Variants in ST18 observed in about 807,000 individuals in gnomAD.
ST18 encodes the protein suppression of tumorigenicity 18 protein.
In ST18, 50 loss-of-function variants were observed where a neutral mutation model predicts 110.0. The ratio of observed to expected loss-of-function variants is 0.45; its 90% CI spans 0.36 to 0.58. The LOEUF (loss-of-function observed/expected upper bound fraction) is 0.58. Ranked by LOEUF, ST18 falls within the 20% of genes least tolerant of loss-of-function variation. ST18 has a pLI of 0.00. For missense variants in ST18, 1,306 were observed against 1,280.1 expected (o/e 1.02, Z -0.31); for synonymous variants, 461 against 452.4 (o/e 1.02, Z -0.24).
At chr8:52,235,330 C>T (rs1387843135) in intron 2 of ST18, among the ~76,000 whole-genome samples, 5 of 152,086 alleles carry the variant, frequency 3.3e-5, no homozygotes, top group Non-Finnish European at 5.9e-5. Context: ...CCTATGGTAG[C>T]CCCTGGCCCA....
At chr8:52,278,105 AAGCTATACATTTTGCC>A (rs1309653496) in intron 2 of ST18, among the ~76,000 whole-genome samples, 2 of 152,180 alleles carry the variant, frequency 1.3e-5, no homozygotes, top group Admixed American at 6.5e-5. Context: ...ATGACTCTGA[AAGCTATACATTTTGCC>A]TTGCTTATCT....
At chr8:52,211,658 C>T (rs1036427289) in intron 8 of ST18, among the ~76,000 whole-genome samples, 4 of 151,934 alleles carry the variant, frequency 2.6e-5, no homozygotes, top group African/African-American at 4.8e-5. Flanking sequence ...CTGCTCACCT[C>T]AGCCTGGAAT....
chr8:52,371,284 A>C (rs1478738098), intron 2 of ST18, among the ~76,000 whole-genome samples: 1 of 152,246 alleles, frequency 6.6e-6, no homozygotes, highest in African/African-American at 2.4e-5. Flanking sequence ...TTAATGAGCT[A>C]GTCCTAATCA....
intron 2 of ST18, chr8:52,406,075 G>A (rs781663323): frequency 6.6e-6 from 1 of 152,140 alleles, no homozygotes; most frequent in African/African-American, 2.4e-5. Context: ...CATCATTTTA[G>A]TCACTAGTAA....
At chr8:52,400,768 G>C (rs1427470) in intron 2 of ST18, among the ~76,000 whole-genome samples, 1 of 151,804 alleles carries the variant, frequency 6.6e-6, no homozygotes, top group Non-Finnish European at 1.5e-5. Context: ...TTTTTATATC[G>C]CATATTTCTT....
At chr8:52,170,495 TAAAA>T (rs1182054243) in intron 10 of ST18, among the ~76,000 whole-genome samples, 36 of 149,348 alleles carry the variant, frequency 2.4e-4, no homozygotes, top group African/African-American at 8.6e-4. Flanking sequence ...AATAAATAAA[TAAAA>T]ATGGAGAAAT....
intron 6 of ST18, 123 bp downstream of exon 6, chr8:52,217,623 G>T (rs1274877251): frequency 6.6e-6 from 1 of 152,134 alleles, no homozygotes; most frequent in African/African-American, 2.4e-5. Flanking sequence ...AGGAAAACAT[G>T]CAAGAGCTAA....
chr8:52,169,357 C>T (rs1398947660), intron 10 of ST18, among the ~76,000 whole-genome samples: 1 of 152,112 alleles, frequency 6.6e-6, no homozygotes, highest in Non-Finnish European at 1.5e-5. Context: ...CTGATGTACT[C>T]ATGTAATGGT....
rs1321640730 is a variant in ST18 at position 52,172,498 on chromosome 8, A to G, written c.363T>C (p.Cys121=). Residue 121 remains cysteine (C), a synonymous_variant, in exon 10 of 26, where the codon TGT becomes TGC. Coordinates refer to ENST00000689386, the MANE Select transcript of ST18 (RefSeq NM_001352837.2). ...NSSRKEDRYS[C]YQELMVKSLM... ...AAGACTTGACCATGAGCTCTTGATA[A>G]CAAGAGTATCTGTCTTCCTTCCTAC... is the stretch of plus-strand genomic sequence containing the variant. The G allele has an allele frequency of 2.5e-6, 4 of 1,613,570 alleles. No homozygotes were observed. The Admixed American group carries it at 6.7e-5, about 27-fold the overall frequency.
rs73679033 is a variant in ST18, at chr8:52,282,935, C to T, written c.-464-52858G>A. On this transcript the variant is annotated intron_variant, in intron 2 of 25. Coordinates refer to ENST00000689386, the MANE Select transcript of ST18 (RefSeq NM_001352837.2). ...GCAGAAGAGTGGCATATGTGATGTGCGCTTTTAAAGAGGTACTCTGGCTAC... is the reference window on the plus strand; with the variant it reads ...GCAGAAGAGTGGCATATGTGATGTGTGCTTTTAAAGAGGTACTCTGGCTAC... 8.7e-3 allele frequency among the ~76,000 whole-genome samples: 1,325 copies of T among 152,100 alleles called. 18 individuals are homozygous for T. Among genetic ancestry groups the T allele is most frequent in the African/African-American group, 0.029 (1,209 of 41,458 alleles).
At chr8:52,288,690 T>C (rs1327485600) in intron 2 of ST18, among the ~76,000 whole-genome samples, 1 of 141,906 alleles carries the variant, frequency 7.0e-6, no homozygotes, top group Non-Finnish European at 1.5e-5. Flanking sequence ...TAAGACTCAG[T>C]CTCAAAAAAT....
At chr8:52,176,541 A>G (rs1200120489) in intron 9 of ST18, among the ~76,000 whole-genome samples, 1 of 152,158 alleles carries the variant, frequency 6.6e-6, no homozygotes, top group Non-Finnish European at 1.5e-5. Context: ...GCCTTTCTCC[A>G]TCCGGAGCAC....
chr8:52,270,330 T>TC (rs1014190646), intron 2 of ST18, among the ~76,000 whole-genome samples: 1 of 152,132 alleles, frequency 6.6e-6, no homozygotes, highest in Non-Finnish European at 1.5e-5. Context: ...GCTCAATCAT[T>TC]CCCCCGCTGT....
At chr8:52,306,672 G>C (rs1428853374) in intron 2 of ST18, among the ~76,000 whole-genome samples, 1 of 152,160 alleles carries the variant, frequency 6.6e-6, no homozygotes, top group Admixed American at 6.6e-5. Context: ...ACACTTGCTG[G>C]AATGTGGTGG....
intron 10 of ST18, among the ~76,000 whole-genome samples, chr8:52,170,699 T>C (rs926194862): frequency 6.6e-6 from 1 of 152,130 alleles, no homozygotes. Context: ...GTCATTAATA[T>C]TCTGTTCCCA....
chr8:52,195,407 G>A (rs1287753502), intron 8 of ST18, among the ~76,000 whole-genome samples: 2 of 151,966 alleles, frequency 1.3e-5, no homozygotes, highest in Non-Finnish European at 2.9e-5. Flanking sequence ...TAAAATATAT[G>A]TGACTTTATA....
At chr8:52,328,050 C>A (rs1020721207) in intron 2 of ST18, among the ~76,000 whole-genome samples, 6 of 152,158 alleles carry the variant, frequency 3.9e-5, no homozygotes, top group Non-Finnish European at 8.8e-5. Flanking sequence ...AATCTTAACT[C>A]AAGAAACAAA....
At chr8:52,243,065 AC>A (rs1022931922) in intron 2 of ST18, among the ~76,000 whole-genome samples, 4 of 152,096 alleles carry the variant, frequency 2.6e-5, no homozygotes, top group Non-Finnish European at 5.9e-5. Context: ...CAAATGTTGA[AC>A]CTTCGATCTA....
intron 8 of ST18, among the ~76,000 whole-genome samples, chr8:52,194,182 A>G (rs1189658026): frequency 6.6e-6 from 1 of 152,210 alleles, no homozygotes; most frequent in Non-Finnish European, 1.5e-5. Flanking sequence ...TAAAAGATAC[A>G]ATTTAATAAC....
Sources: allele counts gnomAD v4.1 joint callset (sites outside exome capture counted in the v4.1 genomes callset), GRCh38; gene constraint gnomAD v4.1.1; transcripts MANE v1.5; gene names NCBI Gene and HGNC (gene_info 2026-07-23, HGNC 2026-07-21).